Variants in LAMC3 observed in about 807,000 individuals in gnomAD.
The protein encoded by LAMC3 is laminin subunit gamma 3, also known as laminin subunit gamma-3.
In LAMC3, 128 loss-of-function variants were observed where a neutral mutation model predicts 173.8. The observed-to-expected ratio is 0.74, with a 90% CI of 0.64 to 0.85. The LOEUF is 0.85. LAMC3 is among the 40% of genes least tolerant of loss of function. LAMC3 has a pLI of 0.00. For missense variants in LAMC3, 2,022 were observed against 2,156.0 expected, an observed-to-expected ratio of 0.94 and a Z score of 1.23; for synonymous variants, 897 against 909.1, an observed-to-expected ratio of 0.99 and a Z score of 0.24.
chr9:131,081,478 TC>T (rs1830240623), intron 23 of LAMC3, among the ~76,000 whole-genome samples: 1 of 84,696 alleles, frequency 1.2e-5, no homozygotes, highest in Non-Finnish European at 2.4e-5. Context: ...TTCCTTTCTT[TC>T]TCTCTCTTTT....
chr9:131,087,856 C>T, intron 27 of LAMC3, 39 bp downstream of exon 27: 2 of 1,521,276 alleles, frequency 1.3e-6, no homozygotes, highest in South Asian at 2.3e-5. Flanking sequence ...ACCCCTGGGT[C>T]CCTGGGGCAC....
intron 1 of LAMC3, among the ~76,000 whole-genome samples, chr9:131,010,458 G>C (rs980650634): frequency 6.6e-6 from 1 of 152,232 alleles, no homozygotes; most frequent in East Asian, 1.9e-4. Context: ...TTGGTTCTAG[G>C]TTGCAATTAT....
At chr9:131,050,022 G>A (rs1834250268) in intron 9 of LAMC3, among the ~76,000 whole-genome samples, 1 of 152,240 alleles carries the variant, frequency 6.6e-6, no homozygotes, top group Admixed American at 6.5e-5. Context: ...GTCACAGGTG[G>A]CTGAGGAGCC....
At chr9:131,024,681 T>A (rs572562184) in intron 1 of LAMC3, among the ~76,000 whole-genome samples, 38 of 152,322 alleles carry the variant, frequency 2.5e-4, no homozygotes, top group South Asian at 1.2e-3. Flanking sequence ...ACTCCCTGCG[T>A]GGGCCGTTCT....
At chr9:131,012,091 A>T (rs1157898756) in intron 1 of LAMC3, among the ~76,000 whole-genome samples, 1 of 149,220 alleles carries the variant, frequency 6.7e-6, no homozygotes, top group Non-Finnish European at 1.5e-5. Context: ...ACACACACAC[A>T]CTCCCTGCTG....
In LAMC3 at chr9:131,091,865, G is replaced by T; in HGVS notation, c.*78G>T. 6.4e-7 allele frequency: 1 copy of T among 1,556,802 alleles called. No homozygotes were observed. The highest frequency in any genetic ancestry group is 1.1e-5 in the South Asian group (1 of 88,066). On this transcript the variant is annotated 3_prime_UTR_variant, in exon 28 of 28. Transcript: ENST00000361069. Reference sequence around the variant, plus strand: ...AGGGGGTGCACACTACCCCACAGGTGTGCCCATACAGACATTCCCCGGAGC... The same window carrying T: ...AGGGGGTGCACACTACCCCACAGGTTTGCCCATACAGACATTCCCCGGAGC...
At chr9:131,062,939 T>TCTG (rs1829859687) in intron 13 of LAMC3, among the ~76,000 whole-genome samples, 1 of 152,136 alleles carries the variant, frequency 6.6e-6, no homozygotes, top group Admixed American at 6.6e-5. Context: ...ATAACAGCTG[T>TCTG]TCTCCTCTCT....
At chr9:131,059,873 A>C (rs1829774490) in intron 12 of LAMC3, among the ~76,000 whole-genome samples, 1 of 152,234 alleles carries the variant, frequency 6.6e-6, no homozygotes, top group Admixed American at 6.5e-5. Context: ...CCTGGATGCC[A>C]GCCCTGCTAT....
intron 9 of LAMC3, among the ~76,000 whole-genome samples, chr9:131,050,033 G>A (rs1465263447): frequency 2.0e-5 from 3 of 152,242 alleles, no homozygotes; most frequent in Non-Finnish European, 2.9e-5. Context: ...CTGAGGAGCC[G>A]TGTGCCCTGC....
In LAMC3 at chr9:131,036,204, A is replaced by G; in HGVS notation, c.848A>G (p.Asp283Gly). The stretch of plus-strand genomic sequence containing the variant: ...GGGCATGCCAGCGAGTGCGGCCCCG[A>G]CGTGGCAGGCCAGTTGGCCTGCCGG... ...CNGHASECGPDVAGQLACRCQ... is the reference protein window; with the variant it reads ...CNGHASECGPGVAGQLACRCQ... Residue 283 changes from aspartate (D) to glycine (G), a missense_variant, in exon 4 of 28, where the codon GAC becomes GGC. Coordinates refer to ENST00000361069, the MANE Select transcript of LAMC3 (RefSeq NM_006059.4). 5 of 1,612,848 alleles carry G rather than the reference A, an allele frequency of 3.1e-6. No homozygotes were observed. The highest frequency in any genetic ancestry group is 4.2e-6 in the Non-Finnish European group (5 of 1,179,870).
chr9:131,057,215 C>A, intron 12 of LAMC3, 68 bp downstream of exon 12: 1 of 1,356,284 alleles, frequency 7.4e-7, no homozygotes, highest in Non-Finnish European at 1.0e-6. Context: ...GAGTACTGAC[C>A]TGAACAGGGC....
Position 131,048,201 on chromosome 9 carries a change from C to T in LAMC3, c.1520-819C>T, listed in dbSNP as rs893945835. On this transcript the variant is annotated intron_variant, in intron 8 of 27. Transcript: ENST00000361069. ...CCTCCTGAGTAGCTCAGATTATAGG[C>T]AGCTGCTACCATGCCTGGCTAATTT... 1.3e-4 allele frequency among the ~76,000 whole-genome samples: 19 copies of T among 151,890 alleles called. 1 individual carries two copies. The South Asian group carries it at 4.0e-3, about 32-fold the overall frequency.
chr9:131,031,258 T>C (rs981180539), intron 2 of LAMC3, among the ~76,000 whole-genome samples: 8 of 152,378 alleles, frequency 5.3e-5, no homozygotes, highest in African/African-American at 1.9e-4. Context: ...GAGCTGCTGC[T>C]GCTGCTCACA....
chr9:131,051,798 CACTGGGAAAGGAGGAGGGAGGGT>C (rs60939010), intron 9 of LAMC3, among the ~76,000 whole-genome samples: 71,322 of 151,046 alleles, frequency 0.47, 16,932 homozygotes, highest in African/African-American at 0.52. Context: ...AGGGAAAGAC[CACTGGGAAAGGAGGAGGGAGGGT>C]ACTGGGAAAG....
At chr9:131,046,115 G>A (rs1358308712) in intron 8 of LAMC3, among the ~76,000 whole-genome samples, 1 of 151,308 alleles carries the variant, frequency 6.6e-6, no homozygotes, top group East Asian at 1.9e-4. Flanking sequence ...ACAAAAGGTA[G>A]GCCACTTGCC....
chr9:131,032,097 T>C lies in LAMC3; in HGVS notation c.731T>C (p.Phe244Ser). ...LLISLDRLNT[F>S]GDDIFKDPKV... ...ATCTCTCTAGACCGGCTCAACACGT[T>C]TGGGGACGACATCTTCAAGGACCCC... is the stretch of plus-strand genomic sequence containing the variant. Residue 244 changes from phenylalanine to serine, a missense_variant, in exon 3 of 28, where the codon TTT (phenylalanine) becomes TCT (serine). By Grantham distance (155) the Phe-to-Ser change is radical. Coordinates refer to ENST00000361069, the MANE Select transcript of LAMC3 (RefSeq NM_006059.4). 5.6e-6 allele frequency: 9 copies of C among 1,613,658 alleles called. No homozygotes were observed. The highest frequency in any genetic ancestry group is 1.3e-5 in the African/African-American group (1 of 74,886).
At chr9:131,041,827 G>C in intron 7 of LAMC3, 92 bp downstream of exon 7, 1 of 1,091,758 alleles carries the variant, frequency 9.2e-7, no homozygotes, top group Non-Finnish European at 1.4e-6. Context: ...GGAGGAGCAA[G>C]GGGCACGGTC....
intron 2 of LAMC3, among the ~76,000 whole-genome samples, chr9:131,031,603 A>T (rs1239301670): frequency 6.6e-6 from 1 of 152,166 alleles, no homozygotes; most frequent in African/African-American, 2.4e-5. Flanking sequence ...TATCCCTGGA[A>T]TGAGGTGCAG....
chr9:131,076,051 G>A, intron 21 of LAMC3, 86 bp downstream of exon 21: 1 of 1,344,282 alleles, frequency 7.4e-7, no homozygotes, highest in Non-Finnish European at 1.0e-6. Flanking sequence ...TGGTTCCAGA[G>A]CCAGCTCCCT....
Sources: allele counts gnomAD v4.1 joint callset (sites outside exome capture counted in the v4.1 genomes callset), GRCh38; gene constraint gnomAD v4.1.1; transcripts MANE v1.5; gene names NCBI Gene and HGNC (gene_info 2026-07-23, HGNC 2026-07-21).